Variants in KCNK9 observed in about 807,000 individuals in gnomAD.
KCNK9 encodes potassium channel subfamily K member 9.
KCNK9 carries 1 observed loss-of-function variant against 10.8 expected under a neutral mutation model. The observed-to-expected ratio is 0.09, with a 90% CI of 0.03 to 0.44. The LOEUF is 0.44. Among genes scored for constraint, KCNK9 ranks in the 20% least tolerant of loss-of-function variants. The pLI is 0.97. For synonymous variants in KCNK9, 231 were observed against 222.7 expected (o/e 1.04, Z -0.33); for missense variants, 303 against 515.0 (o/e 0.59, Z 3.98).
chr8:139,642,243 C>A (rs537797595), intron 1 of KCNK9, among the ~76,000 whole-genome samples: 1 of 152,090 alleles, frequency 6.6e-6, no homozygotes, highest in Non-Finnish European at 1.5e-5. Flanking sequence ...GCAGCCTGTG[C>A]GAATGTAGTG....
chr8:139,690,212 C>T (rs116580735), intron 1 of KCNK9, among the ~76,000 whole-genome samples: 137 of 152,350 alleles, frequency 9.0e-4, no homozygotes, highest in African/African-American at 3.1e-3. Flanking sequence ...CTTTCTGCCA[C>T]TTATTAGCTA....
At chr8:139,632,325 C>T (rs899044106) in intron 1 of KCNK9, among the ~76,000 whole-genome samples, 3 of 152,202 alleles carry the variant, frequency 2.0e-5, no homozygotes, top group Admixed American at 6.5e-5. Flanking sequence ...TCACTGTTAA[C>T]ACTGAACTCA....
chr8:139,701,503 G>A (rs1817218804), intron 1 of KCNK9, among the ~76,000 whole-genome samples: 1 of 152,066 alleles, frequency 6.6e-6, no homozygotes, highest in Non-Finnish European at 1.5e-5. Flanking sequence ...TAGAGGAGGA[G>A]GTCCAGAGAA....
At chr8:139,649,255 A>C (rs947003707) in intron 1 of KCNK9, among the ~76,000 whole-genome samples, 2 of 152,154 alleles carry the variant, frequency 1.3e-5, no homozygotes, top group Admixed American at 6.5e-5. Context: ...CAAGTAGATG[A>C]GATCTGGAAA....
Position 139,703,066 on chromosome 8 carries a change from C to A in KCNK9, c.-74G>T, listed in dbSNP as rs548947713. 2.3e-6 allele frequency: 3 copies of A among 1,282,678 alleles called. No individual in the cohort carries two copies. Among genetic ancestry groups the A allele is most frequent in the Middle Eastern group, 5.8e-4 (2 of 3,432 alleles). 79.5% of individuals were successfully genotyped at this position (1,282,678 alleles called of 1,614,324 possible). A position where few individuals can be genotyped will look rare whatever the true frequency, so the allele number is the denominator to read the frequency against. On this transcript the variant is annotated 5_prime_UTR_variant, in exon 1 of 2. Transcript: ENST00000520439. The surrounding 1 kb of genome is among the most constrained non-coding windows in gnomAD (Gnocchi z 6.4). ...GCCGCGCGCGTCCCACTGCAGCGCC[C>A]GGCGGCCGCCGCCGCCTCCTCCTCC...
intron 1 of KCNK9, among the ~76,000 whole-genome samples, chr8:139,627,997 G>A (rs562042987): frequency 1.3e-5 from 2 of 152,342 alleles, no homozygotes; most frequent in South Asian, 4.1e-4. Context: ...TTTAAAATGT[G>A]GTATCTAATT....
chr8:139,692,711 C>T (rs1816957758), intron 1 of KCNK9, among the ~76,000 whole-genome samples: 1 of 152,166 alleles, frequency 6.6e-6, no homozygotes, highest in African/African-American at 2.4e-5. Context: ...CTGGGCTGGG[C>T]CCTTCCCTGC....
At chr8:139,644,116 T>C (rs1371278338) in intron 1 of KCNK9, among the ~76,000 whole-genome samples, 1 of 152,198 alleles carries the variant, frequency 6.6e-6, no homozygotes, top group African/African-American at 2.4e-5. Flanking sequence ...GGAAGGGCTT[T>C]CCAGGCACTG....
intron 1 of KCNK9, among the ~76,000 whole-genome samples, chr8:139,688,956 G>A (rs754061269): frequency 3.3e-5 from 5 of 152,060 alleles, no homozygotes; most frequent in Admixed American, 1.3e-4. Context: ...TAACCCCCAG[G>A]ACCTCTGGAT....
intron 1 of KCNK9, among the ~76,000 whole-genome samples, chr8:139,679,471 TAAC>T (rs1480468124): frequency 6.6e-6 from 1 of 152,230 alleles, no homozygotes; most frequent in East Asian, 1.9e-4. Flanking sequence ...CAGATTTTTC[TAAC>T]AAGAAGTCAA....
intron 1 of KCNK9, among the ~76,000 whole-genome samples, chr8:139,625,143 T>G (rs115261151): frequency 0.021 from 3,124 of 147,674 alleles, 101 homozygotes; most frequent in African/African-American, 0.077. Flanking sequence ...CAGGCTGGCG[T>G]GCAGCCCTTG....
intron 1 of KCNK9, among the ~76,000 whole-genome samples, chr8:139,623,392 C>T (rs1430652687): frequency 2.6e-5 from 4 of 152,200 alleles, no homozygotes; most frequent in Admixed American, 2.6e-4. Context: ...CTGGGACCTG[C>T]TCTTGGCACA....
At position 139,693,117 on chromosome 8, in the gene KCNK9, G is replaced by A. The variant is rs1214214120; in HGVS notation, c.283+9593C>T. Among the ~76,000 whole-genome samples, 4 of 152,102 alleles carry A rather than the reference G, an allele frequency of 2.6e-5. No individual in the cohort carries two copies. Among genetic ancestry groups the A allele is most frequent in the East Asian group, 1.9e-4 (1 of 5,172 alleles). Reference sequence around the variant, plus strand: ...CACCTCTGACAAACACCACATGTGCGCTGCGTGCCTGTCAGCTGCAGGTAA... The same window carrying A: ...CACCTCTGACAAACACCACATGTGCACTGCGTGCCTGTCAGCTGCAGGTAA... On this transcript the variant is annotated intron_variant, in intron 1 of 1. Transcript: ENST00000520439. The surrounding 1 kb of genome is among the most constrained non-coding windows in gnomAD (Gnocchi z 4.1).
chr8:139,641,840 G>C (rs1305530530), intron 1 of KCNK9, among the ~76,000 whole-genome samples: 1 of 152,160 alleles, frequency 6.6e-6, no homozygotes, highest in Non-Finnish European at 1.5e-5. Flanking sequence ...TGAGGACTGG[G>C]CCACACTGGT....
intron 1 of KCNK9, among the ~76,000 whole-genome samples, chr8:139,685,195 T>C (rs1291337889): frequency 6.6e-6 from 1 of 152,240 alleles, no homozygotes; most frequent in Non-Finnish European, 1.5e-5. Context: ...CTGTAAATTT[T>C]AAAATACAGA....
rs141132825 is a variant in KCNK9, at chr8:139,602,441, G to GA, written c.*1-841dup. ...TGTAAATCTGCACAAAAGGGACTTA[G>GA]AACGCAGCAATGCCTGTTACATTTT... On this transcript the variant is annotated intron_variant, in intron 2 of 2. Transcript: ENST00000650269. 5.1e-3 allele frequency among the ~76,000 whole-genome samples: 772 copies of GA among 152,324 alleles called. 5 individuals are homozygous for GA. The highest frequency in any genetic ancestry group is 0.017 in the African/African-American group (713 of 41,562).
At chr8:139,678,495 G>A (rs533717680) in intron 1 of KCNK9, among the ~76,000 whole-genome samples, 4 of 152,346 alleles carry the variant, frequency 2.6e-5, no homozygotes, top group East Asian at 3.9e-4. Context: ...TCTGAGCTCC[G>A]GGGCCTTCAC....
At chr8:139,683,431 G>A (rs1455292369) in intron 1 of KCNK9, among the ~76,000 whole-genome samples, 2 of 152,150 alleles carry the variant, frequency 1.3e-5, no homozygotes, top group East Asian at 3.9e-4. Context: ...CTTTTATAGG[G>A]GACTCTTGGG....
chr8:139,652,565 C>T (rs1815899714), intron 1 of KCNK9, among the ~76,000 whole-genome samples: 1 of 152,188 alleles, frequency 6.6e-6, no homozygotes, highest in African/African-American at 2.4e-5. Context: ...GGGGCGGGGG[C>T]CGCCAGCCTG....
Sources: gnomAD v4.1 joint callset for allele counts (sites outside exome capture counted in the v4.1 genomes callset) on GRCh38, gnomAD v4.1.1 for gene constraint, Gnocchi (gnomAD v3.1) non-coding constraint, MANE v1.5 for transcripts, NCBI Gene and HGNC (gene_info 2026-07-23, HGNC 2026-07-21) for gene names.